ZNF521: variants seen among roughly 807,000 people sequenced by gnomAD.
The protein encoded by ZNF521 is zinc finger protein 521, also known as LYST-interacting protein 3.
A neutral mutation model predicts 105.5 loss-of-function variants in ZNF521; 14 were observed. The ratio of observed to expected loss-of-function variants is 0.13; its 90% CI spans 0.09 to 0.21. The LOEUF is 0.21. Ranked by LOEUF, ZNF521 falls within the 10% of genes least tolerant of loss-of-function variation. The pLI is 1.00. For synonymous variants in ZNF521, 635 were observed against 606.0 expected, an observed-to-expected ratio of 1.05 and a Z score of -0.70; for missense variants, 1,233 against 1,629.7, an observed-to-expected ratio of 0.76 and a Z score of 4.19.
chr18:25,076,195 T>C (rs2033357347), intron 7 of ZNF521, among the ~76,000 whole-genome samples: 1 of 152,156 alleles, frequency 6.6e-6, no homozygotes, highest in African/African-American at 2.4e-5. Context: ...ACCTCGAAAA[T>C]GGTAATCCGT....
At chr18:25,279,122 GGTAGACAGGA>G (rs1910212429) in intron 3 of ZNF521, among the ~76,000 whole-genome samples, 1 of 152,152 alleles carries the variant, frequency 6.6e-6, no homozygotes, top group Non-Finnish European at 1.5e-5. Context: ...TCCCAGAAAA[GGTAGACAGGA>G]GTAGTGAGGA....
intron 4 of ZNF521, among the ~76,000 whole-genome samples, chr18:25,210,988 T>C (rs564934211): frequency 2.1e-3 from 324 of 152,228 alleles, no homozygotes; most frequent in Non-Finnish European, 3.6e-3. Context: ...AAATCTGTTA[T>C]CACAAATTGA....
In ZNF521 at chr18:25,247,817, C is replaced by A. The variant is rs145412619; in HGVS notation, c.221-20120G>T. ...CATTTATAAGGCTATGGCAATGGTC[C>A]AGTGAGAGGCAAAAAAACCTAAAGT... is the stretch of plus-strand genomic sequence containing the variant. On this transcript the variant is annotated intron_variant, in intron 3 of 7. Transcript: ENST00000361524. 3.1e-3 allele frequency among the ~76,000 whole-genome samples: 474 copies of A among 152,124 alleles called. 3 individuals carry two copies. Among genetic ancestry groups the A allele is most frequent in the African/African-American group, 0.011 (447 of 41,492 alleles).
Position 25,176,080 on chromosome 18 carries a change from G to T in ZNF521, c.3658+19080C>A, listed in dbSNP as rs964110583. Among the ~76,000 whole-genome samples, 14 of 152,260 alleles carry T rather than the reference G, an allele frequency of 9.2e-5. 1 individual carries two copies. Among genetic ancestry groups the T allele is most frequent in the African/African-American group, 3.4e-4 (14 of 41,542 alleles). On this transcript the variant is annotated intron_variant, in intron 5 of 7. Coordinates refer to ENST00000361524, the MANE Select transcript of ZNF521 (RefSeq NM_015461.3). ...TATTTGTAAGGAGCAGTTAGGAGAG[G>T]CAAAATGAGTATGCAGCTTTCCATT...
intron 3 of ZNF521, among the ~76,000 whole-genome samples, chr18:25,316,155 A>C (rs138339506): frequency 2.2e-3 from 339 of 152,150 alleles, no homozygotes; most frequent in Non-Finnish European, 3.7e-3. Flanking sequence ...ACAAGCAACA[A>C]AGAATAAATT....
At chr18:25,341,483 A>G (rs886235697) in intron 2 of ZNF521, among the ~76,000 whole-genome samples, 32 of 152,362 alleles carry the variant, frequency 2.1e-4, no homozygotes, top group Non-Finnish European at 4.6e-4. Context: ...CAAAAATGTT[A>G]TCCAGAACTT....
chr18:25,169,654 T>C (rs2035412251), intron 5 of ZNF521, among the ~76,000 whole-genome samples: 1 of 152,186 alleles, frequency 6.6e-6, no homozygotes, highest in Non-Finnish European at 1.5e-5. Context: ...TCTCTTATAT[T>C]TTAAATAAAT....
At chr18:25,307,462 G>A (rs1276424658) in intron 3 of ZNF521, among the ~76,000 whole-genome samples, 1 of 152,168 alleles carries the variant, frequency 6.6e-6, no homozygotes, top group African/African-American at 2.4e-5. Context: ...CTAGCTGGGT[G>A]ATATCTGTGA....
At chr18:25,247,651 C>T (rs1907823775) in intron 3 of ZNF521, among the ~76,000 whole-genome samples, 1 of 152,132 alleles carries the variant, frequency 6.6e-6, no homozygotes, top group African/African-American at 2.4e-5. Flanking sequence ...GAAGTAGAGC[C>T]CGATCATGAT....
At chr18:25,221,300 T>A (rs1340997163) in intron 4 of ZNF521, among the ~76,000 whole-genome samples, 1 of 152,190 alleles carries the variant, frequency 6.6e-6, no homozygotes, top group East Asian at 1.9e-4. Context: ...TTGTCTTTCA[T>A]CCATTTTTTG....
At chr18:25,321,137 G>A (rs2145144309) in intron 3 of ZNF521, among the ~76,000 whole-genome samples, 1 of 152,284 alleles carries the variant, frequency 6.6e-6, no homozygotes, top group African/African-American at 2.4e-5. Context: ...GAAAATAAGA[G>A]GCAGAGAAAG....
At chr18:25,288,863 T>C (rs539976601) in intron 3 of ZNF521, among the ~76,000 whole-genome samples, 45 of 152,326 alleles carry the variant, frequency 3.0e-4, no homozygotes, top group African/African-American at 1.0e-3. Context: ...AGTTAAGAAA[T>C]GGATTACTGC....
chr18:25,232,030 G>A lies in ZNF521; in HGVS notation c.221-4333C>T, dbSNP rs550829194. Among the ~76,000 whole-genome samples, 14 of 152,274 alleles carry A rather than the reference G, an allele frequency of 9.2e-5. 1 individual carries two copies. Among genetic ancestry groups the A allele is most frequent in the Middle Eastern group, 6.8e-3 (2 of 294 alleles). The stretch of plus-strand genomic sequence containing the variant: ...CAGAGTACCCTCTTAACTGCCCATC[G>A]GGGACTCAGTATCATGTGTGCTAGT... On this transcript the variant is annotated intron_variant, in intron 3 of 7. Transcript: ENST00000361524.
chr18:25,179,380 T>C (rs2035592308), intron 5 of ZNF521, among the ~76,000 whole-genome samples: 1 of 151,884 alleles, frequency 6.6e-6, no homozygotes, highest in South Asian at 2.1e-4. Context: ...ACATGATCAT[T>C]TATTAAATCA....
chr18:25,339,498 T>C (rs1914081090), intron 2 of ZNF521, among the ~76,000 whole-genome samples: 2 of 152,360 alleles, frequency 1.3e-5, no homozygotes, highest in South Asian at 4.1e-4. Flanking sequence ...ATCTTGTTTA[T>C]TTAATATGTT....
At chr18:25,309,707 T>C (rs1656320574) in intron 3 of ZNF521, among the ~76,000 whole-genome samples, 1 of 152,196 alleles carries the variant, frequency 6.6e-6, no homozygotes, top group African/African-American at 2.4e-5. Context: ...ACAGATTTCT[T>C]TTTAAAAAGA....
intron 3 of ZNF521, among the ~76,000 whole-genome samples, chr18:25,277,145 T>C (rs1347213663): frequency 6.7e-6 from 1 of 148,290 alleles, no homozygotes; most frequent in Non-Finnish European, 1.5e-5. Context: ...ATTATGCCAC[T>C]GCACTCCAGC....
intron 5 of ZNF521, among the ~76,000 whole-genome samples, chr18:25,179,222 C>T (rs1228585093): frequency 3.9e-5 from 5 of 127,588 alleles, no homozygotes; most frequent in South Asian, 2.6e-4. Flanking sequence ...GGTGTGATCT[C>T]GGCTCACTGC....
intron 7 of ZNF521, among the ~76,000 whole-genome samples, chr18:25,069,726 C>T (rs985641837): frequency 1.3e-5 from 2 of 152,044 alleles, no homozygotes; most frequent in African/African-American, 2.4e-5. Flanking sequence ...CTATGAGAAT[C>T]GAAAAGACAT....
Sources: allele counts gnomAD v4.1 joint callset (sites outside exome capture counted in the v4.1 genomes callset), GRCh38; gene constraint gnomAD v4.1.1; transcripts MANE v1.5; gene names NCBI Gene and HGNC (gene_info 2026-07-23, HGNC 2026-07-21).